Variants in PRIM2 observed in about 807,000 individuals in gnomAD.
The protein encoded by PRIM2 is DNA primase large subunit.
PRIM2 carries 39 observed loss-of-function variants against 67.3 expected under a neutral mutation model. The observed-to-expected ratio is 0.58, with a 90% CI of 0.45 to 0.76. PRIM2 has a LOEUF of 0.76. Ranked by LOEUF, PRIM2 falls within the 30% of genes least tolerant of loss-of-function variation. PRIM2 has a pLI of 0.00. For missense variants in PRIM2, 398 were observed against 598.7 expected (o/e 0.66, Z 3.50); for synonymous variants, 143 against 198.7 (o/e 0.72, Z 2.36).
chr6:57,616,377 A>G (rs1351517775), intron 12 of PRIM2, among the ~76,000 whole-genome samples: 1 of 152,082 alleles, frequency 6.6e-6, no homozygotes, highest in Admixed American at 6.6e-5. Flanking sequence ...ATTCACACCT[A>G]TGCCTGACAG....
intron 10 of PRIM2, among the ~76,000 whole-genome samples, chr6:57,557,065 C>T (rs2127476874): frequency 7.5e-6 from 1 of 132,626 alleles, no homozygotes; most frequent in East Asian, 2.1e-4. Flanking sequence ...AAATCAAAAC[C>T]ACAGTGAGAT....
At chr6:57,551,343 C>A (rs1206981586) in intron 10 of PRIM2, among the ~76,000 whole-genome samples, 1 of 152,116 alleles carries the variant, frequency 6.6e-6, no homozygotes, top group Admixed American at 6.6e-5. Flanking sequence ...GGTTACTGTT[C>A]TGTATTGATA....
intron 10 of PRIM2, among the ~76,000 whole-genome samples, chr6:57,580,021 TA>T (rs1776052859): frequency 6.6e-6 from 1 of 152,164 alleles, no homozygotes; most frequent in Non-Finnish European, 1.5e-5. Context: ...AATGTTTATA[TA>T]AAAATATTGC....
At chr6:57,326,223 A>AG (rs11381745) in intron 5 of PRIM2, 178 bp downstream of exon 5, 397,175 of 540,292 alleles carry the variant, frequency 0.74, 147,996 homozygotes, top group African/African-American at 0.83. Context: ...CTAGAAGAAA[A>AG]GGACTCCTTA....
At chr6:57,284,592 G>A in the PRIM2 span, among the ~76,000 whole-genome samples, 1 of 151,952 alleles carries the variant, frequency 6.6e-6, no homozygotes, top group Non-Finnish European at 1.5e-5. Context: ...TTTTCCATAT[G>A]TAAACCAATT....
the PRIM2 span, among the ~76,000 whole-genome samples, chr6:57,308,492 T>G: frequency 2.6e-5 from 4 of 152,326 alleles, no homozygotes; most frequent in Admixed American, 2.6e-4. Context: ...CGAATGTTCT[T>G]GTTCATGTTT....
intron 6 of PRIM2, among the ~76,000 whole-genome samples, chr6:57,380,475 T>C (rs1170186918): frequency 6.6e-6 from 1 of 152,148 alleles, no homozygotes; most frequent in Non-Finnish European, 1.5e-5. Context: ...ATGCCCTCCT[T>C]AACCTACTCA....
intron 7 of PRIM2, among the ~76,000 whole-genome samples, chr6:57,474,393 C>T (rs1288021230): frequency 1.3e-5 from 2 of 151,966 alleles, no homozygotes; most frequent in African/African-American, 4.8e-5. Context: ...CCAGGATGGT[C>T]TCTATCTCCT....
At chr6:57,268,666 G>T in the PRIM2 span, among the ~76,000 whole-genome samples, 6 of 151,234 alleles carry the variant, frequency 4.0e-5, no homozygotes, top group African/African-American at 1.5e-4. Context: ...AAGTTTTAGG[G>T]TACATGTGCA....
At chr6:57,452,051 C>G (rs1352583028) in intron 7 of PRIM2, among the ~76,000 whole-genome samples, 1 of 151,562 alleles carries the variant, frequency 6.6e-6, no homozygotes, top group African/African-American at 2.4e-5. Flanking sequence ...TTTGTCCTTG[C>G]AATAGTTTGC....
intron 7 of PRIM2, among the ~76,000 whole-genome samples, chr6:57,468,777 T>G (rs1773267208): frequency 6.6e-6 from 1 of 152,246 alleles, no homozygotes; most frequent in Admixed American, 6.5e-5. Flanking sequence ...CAGCCCATAC[T>G]TAGTGGATAA....
intron 8 of PRIM2, among the ~76,000 whole-genome samples, chr6:57,521,367 G>GTTTTTTTTTTTTTTTTTTT (rs1163114437): frequency 2.0e-5 from 2 of 97,956 alleles, no homozygotes; most frequent in African/African-American, 7.6e-5. Flanking sequence ...TGTGGTTAGG[G>GTTTTTTTTTTTTTTTTTTT]TTTTTTTTTT....
intron 12 of PRIM2, among the ~76,000 whole-genome samples, chr6:57,619,199 G>A (rs1776808042): frequency 6.6e-6 from 1 of 152,150 alleles, no homozygotes; most frequent in South Asian, 2.1e-4. Flanking sequence ...CTCACAGAAA[G>A]CCACAACCAC....
At chr6:57,355,255 G>C (rs1768992172) in intron 5 of PRIM2, among the ~76,000 whole-genome samples, 1 of 148,374 alleles carries the variant, frequency 6.7e-6, no homozygotes, top group Non-Finnish European at 1.5e-5. Context: ...AGTAAGCTGA[G>C]ATTGCGCCAC....
At chr6:57,253,274 T>A in the PRIM2 span, among the ~76,000 whole-genome samples, 1 of 152,142 alleles carries the variant, frequency 6.6e-6, no homozygotes, top group Non-Finnish European at 1.5e-5. Flanking sequence ...CTCTAAATGG[T>A]AGCTCCATTT....
At position 57,489,407 on chromosome 6, in the gene PRIM2, C is replaced by G. The variant is rs1169493281; in HGVS notation, c.694-17980C>G. On this transcript the variant is annotated intron_variant, in intron 7 of 13. Transcript: ENST00000615550. ...CCGTCTTTACTAAAAACACAAAAAA[C>G]TAAGCTGGGCGTGGTGGTGGGCACC... Among the ~76,000 whole-genome samples the G allele has an allele frequency of 1.2e-3, 185 of 152,178 alleles. 1 individual carries two copies. In the East Asian group the frequency reaches 0.015, roughly 13 times the overall value.
At chr6:57,387,182 C>A (rs1770182029) in intron 7 of PRIM2, among the ~76,000 whole-genome samples, 1 of 152,108 alleles carries the variant, frequency 6.6e-6, no homozygotes. Flanking sequence ...TATGTGTTTT[C>A]CTCCTCAATT....
intron 10 of PRIM2, among the ~76,000 whole-genome samples, chr6:57,559,335 CAG>C (rs1775582735): frequency 6.6e-6 from 1 of 152,126 alleles, no homozygotes; most frequent in African/African-American, 2.4e-5. Context: ...ATCATACAAG[CAG>C]AACTGTTGAC....
chr6:57,355,934 G>T (rs1263034908), intron 5 of PRIM2, among the ~76,000 whole-genome samples: 10 of 152,158 alleles, frequency 6.6e-5, no homozygotes, highest in African/African-American at 2.4e-4. Context: ...GAGCCACTGT[G>T]CCTGGCCAAA....
Sources: allele counts gnomAD v4.1 joint callset (sites outside exome capture counted in the v4.1 genomes callset), GRCh38; gene constraint gnomAD v4.1.1; transcripts MANE v1.5; gene names NCBI Gene and HGNC (gene_info 2026-07-23, HGNC 2026-07-21).